Variants in DPYD observed in about 807,000 individuals in gnomAD.
DPYD encodes dihydropyrimidine dehydrogenase [NADP(+)].
In DPYD, 109 loss-of-function variants were observed where a neutral mutation model predicts 116.2. That is an observed-to-expected ratio of 0.94 (90% confidence interval 0.80 to 1.10). The LOEUF is 1.10. Among genes scored for constraint, DPYD ranks in the 50% least tolerant of loss-of-function variants. The pLI, the probability that DPYD is intolerant of heterozygous loss-of-function variation, is 0.00. For missense variants in DPYD, 1,302 were observed against 1,254.5 expected, an observed-to-expected ratio of 1.04 and a Z score of -0.57; for synonymous variants, 440 against 432.0, an observed-to-expected ratio of 1.02 and a Z score of -0.23.
chr1:97,306,632 G>A (rs1196300466), intron 16 of DPYD, among the ~76,000 whole-genome samples: 1 of 151,828 alleles, frequency 6.6e-6, no homozygotes, highest in Non-Finnish European at 1.5e-5. Flanking sequence ...TTGATGTTAA[G>A]TACAAGAAAC....
intron 1 of DPYD, 78 bp downstream of exon 1, chr1:97,920,806 G>A (rs973088602): frequency 2.6e-6 from 4 of 1,533,786 alleles, no homozygotes; most frequent in Non-Finnish European, 3.5e-6. Context: ...CGGGGGCCGC[G>A]GGGGCCTCCC....
chr1:97,917,174 G>A (rs1044222268), intron 1 of DPYD, among the ~76,000 whole-genome samples: 2 of 152,112 alleles, frequency 1.3e-5, no homozygotes, highest in Admixed American at 6.6e-5. Flanking sequence ...TAAAAGGAAG[G>A]AGAAAAGAAA....
chr1:97,890,311 A>G (rs1158999669), intron 1 of DPYD, among the ~76,000 whole-genome samples: 3 of 152,004 alleles, frequency 2.0e-5, no homozygotes, highest in Non-Finnish European at 4.4e-5. Flanking sequence ...ATTAAATTCT[A>G]CATTCAGTCG....
intron 12 of DPYD, among the ~76,000 whole-genome samples, chr1:97,524,256 G>A (rs1318142788): frequency 6.6e-6 from 1 of 152,164 alleles, no homozygotes; most frequent in African/African-American, 2.4e-5. Context: ...ACATAAGAAA[G>A]AATTTTGAAA....
At chr1:97,768,357 G>C (rs1210940666) in intron 3 of DPYD, among the ~76,000 whole-genome samples, 1 of 152,114 alleles carries the variant, frequency 6.6e-6, no homozygotes, top group African/African-American at 2.4e-5. Flanking sequence ...TCCTGAATGT[G>C]CCCTTGCCAG....
chr1:97,495,209 C>T (rs1235875250), intron 13 of DPYD, among the ~76,000 whole-genome samples: 1 of 151,978 alleles, frequency 6.6e-6, no homozygotes, highest in Non-Finnish European at 1.5e-5. Context: ...TGTAGGCATG[C>T]TAAGATTTAT....
chr1:97,211,554 T>C (rs1251906246), intron 19 of DPYD, among the ~76,000 whole-genome samples: 1 of 152,152 alleles, frequency 6.6e-6, no homozygotes, highest in Non-Finnish European at 1.5e-5. Flanking sequence ...ATATTAGTTA[T>C]TGACAGCTTC....
At chr1:97,715,413 T>C (rs1662559034) in intron 5 of DPYD, among the ~76,000 whole-genome samples, 1 of 152,138 alleles carries the variant, frequency 6.6e-6, no homozygotes, top group Non-Finnish European at 1.5e-5. Context: ...ATTATTTCAA[T>C]TGTTGGCTTT....
At chr1:97,482,849 A>G (rs1678401231) in intron 13 of DPYD, among the ~76,000 whole-genome samples, 1 of 152,092 alleles carries the variant, frequency 6.6e-6, no homozygotes. Flanking sequence ...AAGCAAATTT[A>G]TTCTCCTCCA....
intron 19 of DPYD, among the ~76,000 whole-genome samples, chr1:97,228,239 T>C (rs886120782): frequency 6.6e-6 from 1 of 151,990 alleles, no homozygotes; most frequent in African/African-American, 2.4e-5. Flanking sequence ...AAAAAATGAA[T>C]GAATGAATTA....
At chr1:97,177,344 T>C (rs936260555) in intron 20 of DPYD, among the ~76,000 whole-genome samples, 2 of 152,102 alleles carry the variant, frequency 1.3e-5, no homozygotes, top group African/African-American at 4.8e-5. Flanking sequence ...TTTTGCAAAA[T>C]AAAGACTGGG....
chr1:97,877,392 T>C (rs946420503), intron 2 of DPYD, among the ~76,000 whole-genome samples: 1 of 151,790 alleles, frequency 6.6e-6, no homozygotes, highest in African/African-American at 2.4e-5. Context: ...GAAAAATGAA[T>C]ACTACAAGTG....
intron 13 of DPYD, chr1:97,514,070 A>G: frequency 5.8e-6 from 3 of 517,036 alleles, no homozygotes; most frequent in Non-Finnish European, 7.4e-6. Context: ...TTCATGTGCC[A>G]AATTTAATTT....
chr1:97,149,018 T>G (rs1049405814), intron 20 of DPYD, among the ~76,000 whole-genome samples: 2 of 152,204 alleles, frequency 1.3e-5, no homozygotes, highest in African/African-American at 4.8e-5. Context: ...TTTCACGCCC[T>G]TTGGAATTAA....
At chr1:97,844,552 T>A (rs919535863) in intron 2 of DPYD, among the ~76,000 whole-genome samples, 3 of 152,140 alleles carry the variant, frequency 2.0e-5, no homozygotes, top group African/African-American at 7.2e-5. Context: ...TCAGTGAACA[T>A]GTGGAGGTGC....
intron 19 of DPYD, among the ~76,000 whole-genome samples, chr1:97,197,216 A>G (rs1658876617): frequency 6.6e-6 from 1 of 152,198 alleles, no homozygotes; most frequent in African/African-American, 2.4e-5. Flanking sequence ...ACCTTCTTAG[A>G]GTTGGTGGTG....
intron 11 of DPYD, among the ~76,000 whole-genome samples, chr1:97,557,130 G>GT (rs1651791097): frequency 6.6e-6 from 1 of 151,652 alleles, no homozygotes; most frequent in Non-Finnish European, 1.5e-5. Flanking sequence ...TTTTTCATGT[G>GT]TTTTTTGGCT....
chr1:97,214,690 C>T (rs954880342), intron 19 of DPYD, among the ~76,000 whole-genome samples: 5 of 152,212 alleles, frequency 3.3e-5, no homozygotes, highest in Non-Finnish European at 7.3e-5. Flanking sequence ...TACATTTCCT[C>T]TCCATTTTTT....
chr1:97,164,257 G>A (rs1656140094), intron 20 of DPYD, among the ~76,000 whole-genome samples: 3 of 152,114 alleles, frequency 2.0e-5, no homozygotes, highest in African/African-American at 7.2e-5. Flanking sequence ...CAATAAACTA[G>A]GTATTGAAGG....
Sources: allele counts gnomAD v4.1 joint callset (sites outside exome capture counted in the v4.1 genomes callset), GRCh38; gene constraint gnomAD v4.1.1; transcripts MANE v1.5; gene names NCBI Gene and HGNC (gene_info 2026-07-23, HGNC 2026-07-21).